Variants in NR6A1 observed in about 807,000 individuals in gnomAD.
NR6A1 encodes nuclear receptor subfamily 6 group A member 1.
Under a neutral mutation model 59.1 loss-of-function variants are expected in NR6A1, and 7 were observed. The observed-to-expected ratio is 0.12, with a 90% CI of 0.07 to 0.22. NR6A1 has a LOEUF of 0.22. Ranked by LOEUF, NR6A1 falls within the 10% of genes least tolerant of loss-of-function variation. The pLI is 1.00. For synonymous variants in NR6A1, 243 were observed against 236.1 expected (o/e 1.03, Z -0.27); for missense variants, 468 against 611.6 (o/e 0.77, Z 2.48).
chr9:124,577,614 T>C (rs1834638722), intron 2 of NR6A1, among the ~76,000 whole-genome samples: 1 of 152,218 alleles, frequency 6.6e-6, no homozygotes, highest in Non-Finnish European at 1.5e-5. Flanking sequence ...TTGTACATGT[T>C]TGTATAAGTA....
At chr9:124,557,499 T>C (rs1441828939) in intron 2 of NR6A1, among the ~76,000 whole-genome samples, 1 of 152,096 alleles carries the variant, frequency 6.6e-6, no homozygotes, top group Non-Finnish European at 1.5e-5. Context: ...ACAAACAAAA[T>C]ACAAAAAGCC....
chr9:124,616,632 G>A (rs1835903046), intron 2 of NR6A1, among the ~76,000 whole-genome samples: 3 of 151,972 alleles, frequency 2.0e-5, no homozygotes, highest in Admixed American at 6.6e-5. Flanking sequence ...ACATATATTA[G>A]TATTTACAAA....
intron 7 of NR6A1, among the ~76,000 whole-genome samples, chr9:124,533,688 C>T (rs997715359): frequency 2.6e-5 from 4 of 151,604 alleles, no homozygotes; most frequent in Admixed American, 2.0e-4. Flanking sequence ...CTCGCTCTGT[C>T]GCCCAGGCTG....
chr9:124,760,598 A>G (rs1840762196), intron 1 of NR6A1, among the ~76,000 whole-genome samples: 1 of 152,186 alleles, frequency 6.6e-6, no homozygotes, highest in African/African-American at 2.4e-5. Context: ...AATCTATGAA[A>G]CAAATTATTA....
chr9:124,750,129 T>C (rs538004352), intron 1 of NR6A1, among the ~76,000 whole-genome samples: 19 of 152,380 alleles, frequency 1.2e-4, no homozygotes, highest in Non-Finnish European at 2.1e-4. Flanking sequence ...TATAGACACA[T>C]TGGTTACTTT....
intron 2 of NR6A1, among the ~76,000 whole-genome samples, chr9:124,663,096 A>G (rs1204299228): frequency 2.6e-5 from 4 of 152,240 alleles, no homozygotes; most frequent in Non-Finnish European, 4.4e-5. Context: ...ATTTTAAACA[A>G]TCTAGATTGT....
chr9:124,585,237 C>T (rs769568660), intron 2 of NR6A1, among the ~76,000 whole-genome samples: 1 of 152,040 alleles, frequency 6.6e-6, no homozygotes, highest in East Asian at 1.9e-4. Context: ...AAGCTGTCTC[C>T]ATTACTTAAA....
intron 2 of NR6A1, among the ~76,000 whole-genome samples, chr9:124,720,319 AG>A (rs1839529583): frequency 1.3e-5 from 2 of 152,116 alleles, no homozygotes; most frequent in African/African-American, 2.4e-5. Context: ...CCAAAGTGCT[AG>A]GATTACAGGC....
At chr9:124,580,458 TA>T (rs1834731995) in intron 2 of NR6A1, among the ~76,000 whole-genome samples, 1 of 152,084 alleles carries the variant, frequency 6.6e-6, no homozygotes, top group Admixed American at 6.6e-5. Context: ...TGGTTCTGGC[TA>T]GAAAATACTA....
At chr9:124,638,359 A>C (rs2130895776) in intron 2 of NR6A1, among the ~76,000 whole-genome samples, 1 of 152,252 alleles carries the variant, frequency 6.6e-6, no homozygotes, top group East Asian at 1.9e-4. Flanking sequence ...GCAGTCTCTA[A>C]AACACAGAAA....
intron 2 of NR6A1, among the ~76,000 whole-genome samples, chr9:124,703,157 A>G (rs1028905540): frequency 6.7e-6 from 1 of 149,888 alleles, no homozygotes; most frequent in African/African-American, 2.5e-5. Context: ...TGCCCACCTC[A>G]GCCTCCCAAA....
intron 2 of NR6A1, among the ~76,000 whole-genome samples, chr9:124,633,626 G>T (rs906134182): frequency 3.9e-5 from 6 of 152,140 alleles, no homozygotes; most frequent in Non-Finnish European, 5.9e-5. Context: ...GCCATTCTAG[G>T]TCCTCAATGA....
At chr9:124,547,830 A>G (rs941027992) in intron 3 of NR6A1, among the ~76,000 whole-genome samples, 1 of 152,232 alleles carries the variant, frequency 6.6e-6, no homozygotes, top group Non-Finnish European at 1.5e-5. Context: ...AGATTAAAAG[A>G]GACTGAAAAG....
chr9:124,740,614 C>T (rs1364617160), intron 1 of NR6A1, among the ~76,000 whole-genome samples: 1 of 152,190 alleles, frequency 6.6e-6, no homozygotes, highest in Non-Finnish European at 1.5e-5. Flanking sequence ...ATCAGGACCA[C>T]TAGAACCTGA....
intron 1 of NR6A1, among the ~76,000 whole-genome samples, chr9:124,760,782 A>G (rs949630815): frequency 2.6e-5 from 4 of 152,256 alleles, no homozygotes; most frequent in Admixed American, 2.0e-4. Flanking sequence ...TGAGAACACT[A>G]AAGTTCAGAG....
At chr9:124,596,580 C>T (rs529756543) in intron 2 of NR6A1, among the ~76,000 whole-genome samples, 4 of 152,296 alleles carry the variant, frequency 2.6e-5, no homozygotes, top group African/African-American at 9.6e-5. Context: ...TTCACCACCC[C>T]CAATCCTTAC....
chr9:124,677,311 T>G (rs1313365466), intron 2 of NR6A1, among the ~76,000 whole-genome samples: 1 of 152,128 alleles, frequency 6.6e-6, no homozygotes, highest in Admixed American at 6.6e-5. Context: ...CAGGTTGGAG[T>G]GTAGTGGCTT....
At chr9:124,672,591 G>A (rs1464137650) in intron 2 of NR6A1, among the ~76,000 whole-genome samples, 1 of 151,986 alleles carries the variant, frequency 6.6e-6, no homozygotes, top group Non-Finnish European at 1.5e-5. Flanking sequence ...CTCCAGCCTG[G>A]GCGACAGAGC....
intron 2 of NR6A1, among the ~76,000 whole-genome samples, chr9:124,640,421 G>A (rs1014620449): frequency 1.3e-5 from 2 of 152,058 alleles, no homozygotes; most frequent in Admixed American, 6.6e-5. Flanking sequence ...TTTGTTTTTA[G>A]AGGAAGGTTC....
Sources: gnomAD v4.1 joint callset for allele counts (sites outside exome capture counted in the v4.1 genomes callset) on GRCh38, gnomAD v4.1.1 for gene constraint, MANE v1.5 for transcripts, NCBI Gene and HGNC (gene_info 2026-07-23, HGNC 2026-07-21) for gene names.